The following CRTC1 variants were observed in gnomAD, a reference collection of about 807,000 sequenced individuals.
CRTC1 encodes the protein CREB regulated transcription coactivator 1.
A neutral mutation model predicts 66.1 loss-of-function variants in CRTC1; 18 were observed. The ratio of observed to expected loss-of-function variants is 0.27; its 90% CI spans 0.19 to 0.40. The LOEUF (loss-of-function observed/expected upper bound fraction) is 0.40. Among genes scored for constraint, CRTC1 ranks in the 10% least tolerant of loss-of-function variants. The probability of loss-of-function intolerance (pLI) is 1.00; values close to 1 mark genes in which losing one functional copy is unlikely to be tolerated. For missense variants in CRTC1, 669 were observed against 887.9 expected (o/e 0.75, Z 3.13); for synonymous variants, 416 against 398.8 (o/e 1.04, Z -0.51).
chr19:18,734,422 G>A (rs1015811232), intron 1 of CRTC1, among the ~76,000 whole-genome samples: 15 of 151,730 alleles, frequency 9.9e-5, no homozygotes, highest in African/African-American at 2.9e-4. Flanking sequence ...ATGGTGGGCC[G>A]GGCACAGTGG....
In CRTC1 at chr19:18,775,718, G is replaced by A. The variant is rs767102730; in HGVS notation, c.1590G>A (p.Ser530=). 8 of 1,612,708 alleles carry A rather than the reference G, an allele frequency of 5.0e-6. No homozygotes were observed. The highest frequency in any genetic ancestry group is 6.8e-6 in the Non-Finnish European group (8 of 1,179,842). The change falls in exon 13 of 14, where the codon TCG becomes TCA. Residue 530 remains serine, a synonymous_variant. Transcript: ENST00000321949. ...LYSPGSTLNY[S]QAAMMGLTGS... Reference sequence around the variant, plus strand: ...GCCCGGGCTCCACACTCAACTACTCGCAGGCGGCCATGATGGGCCTCACGG... The same window carrying A: ...GCCCGGGCTCCACACTCAACTACTCACAGGCGGCCATGATGGGCCTCACGG...
intron 1 of CRTC1, among the ~76,000 whole-genome samples, chr19:18,739,273 T>C (rs766872383): frequency 2.6e-5 from 4 of 152,240 alleles, no homozygotes; most frequent in Non-Finnish European, 5.9e-5. Context: ...TAGGGCAGGC[T>C]GGAGCTGCTG....
chr19:18,701,240 T>C (rs956845070), intron 1 of CRTC1, among the ~76,000 whole-genome samples: 3 of 152,378 alleles, frequency 2.0e-5, no homozygotes, highest in African/African-American at 7.2e-5. Flanking sequence ...CACGCTGCTC[T>C]ATGCGCCTCT....
chr19:18,772,841 G>A (rs1046945908), intron 11 of CRTC1, among the ~76,000 whole-genome samples: 20 of 152,156 alleles, frequency 1.3e-4, no homozygotes, highest in African/African-American at 4.3e-4. Context: ...CAGCGTGTCT[G>A]GTCTCGTCGT....
chr19:18,758,341 C>G (rs1600966401), intron 6 of CRTC1, among the ~76,000 whole-genome samples: 1 of 144,894 alleles, frequency 6.9e-6, no homozygotes, highest in Non-Finnish European at 1.5e-5. Context: ...GCCTGAGAGA[C>G]AGAGTGAGAC....
At chr19:18,709,345 G>A (rs2053337392) in intron 1 of CRTC1, among the ~76,000 whole-genome samples, 2 of 152,068 alleles carry the variant, frequency 1.3e-5, no homozygotes, top group African/African-American at 4.8e-5. Context: ...TGCCCACCTT[G>A]CCCCCACACG....
At chr19:18,702,880 C>T (rs1159144269) in intron 1 of CRTC1, among the ~76,000 whole-genome samples, 1 of 152,136 alleles carries the variant, frequency 6.6e-6, no homozygotes, top group African/African-American at 2.4e-5. Flanking sequence ...AACCCCCCAC[C>T]TGTTTCCCAC....
At chr19:18,749,928 T>C in intron 5 of CRTC1, 53 bp downstream of exon 5, 1 of 1,415,416 alleles carries the variant, frequency 7.1e-7, no homozygotes, top group Non-Finnish European at 1.0e-6. Flanking sequence ...GTCCAGCAGG[T>C]AACCCCTGTT....
intron 1 of CRTC1, among the ~76,000 whole-genome samples, chr19:18,697,587 G>T (rs1340269302): frequency 6.6e-6 from 1 of 152,204 alleles, no homozygotes; most frequent in East Asian, 1.9e-4. Context: ...TGGGATTACA[G>T]GCATGAGCCA....
intron 1 of CRTC1, among the ~76,000 whole-genome samples, chr19:18,695,227 G>A (rs1366157175): frequency 6.6e-6 from 1 of 151,824 alleles, no homozygotes; most frequent in African/African-American, 2.4e-5. Flanking sequence ...GGCCGGTCTC[G>A]AACTCCTGGT....
intron 6 of CRTC1, among the ~76,000 whole-genome samples, chr19:18,754,653 T>C (rs4808854): frequency 6.6e-6 from 1 of 152,368 alleles, no homozygotes; most frequent in Non-Finnish European, 1.5e-5. Flanking sequence ...AGCCTGCACA[T>C]TTCAGGAGTA....
At chr19:18,747,173 C>T (rs1230225277) in intron 4 of CRTC1, 59 bp downstream of exon 4, 9 of 1,239,206 alleles carry the variant, frequency 7.3e-6, no homozygotes, top group African/African-American at 3.1e-5. Flanking sequence ...ACCAAACTCT[C>T]ATCATGGTTA....
chr19:18,732,604 A>C (rs1007035958), intron 1 of CRTC1, among the ~76,000 whole-genome samples: 3 of 152,104 alleles, frequency 2.0e-5, no homozygotes, highest in Admixed American at 6.6e-5. Context: ...CTGGGGAGGT[A>C]GTGCTTGAAC....
chr19:18,781,338 C>A lies in CRTC1; in HGVS notation c.*3956C>A, dbSNP rs1397309110. 4 of 228,674 alleles carry A rather than the reference C, an allele frequency of 1.7e-5. No individual in the cohort carries two copies. Among genetic ancestry groups the A allele is most frequent in the Non-Finnish European group, 3.5e-5 (4 of 115,274 alleles). 14.2% of individuals were successfully genotyped at this position (228,674 alleles called of 1,614,324 possible). A position where few individuals can be genotyped will look rare whatever the true frequency, so the allele number is the denominator to read the frequency against. On this transcript the variant is annotated 3_prime_UTR_variant, in exon 14 of 14. Transcript: ENST00000321949. ...TGGACACCTGGGTCTCTTTCTACCC[C>A]CATTCACCATGGACCAGGGGCCTCC...
intron 1 of CRTC1, among the ~76,000 whole-genome samples, chr19:18,694,934 G>T (rs552436541): frequency 6.6e-6 from 1 of 150,696 alleles, no homozygotes; most frequent in East Asian, 2.0e-4. Flanking sequence ...GCTCCTATAA[G>T]ATCTTGGCTC....
At chr19:18,758,448 A>G (rs1181272737) in intron 6 of CRTC1, among the ~76,000 whole-genome samples, 6 of 151,912 alleles carry the variant, frequency 3.9e-5, no homozygotes, top group Non-Finnish European at 8.8e-5. Context: ...ACAGTCCAAG[A>G]GGAGCCTATT....
intron 1 of CRTC1, among the ~76,000 whole-genome samples, chr19:18,706,134 C>CAT (rs1043212263): frequency 8.7e-5 from 12 of 137,712 alleles, no homozygotes; most frequent in African/African-American, 3.3e-4. Flanking sequence ...ATCACTTGAC[C>CAT]ATATATGTGA....
In CRTC1 at chr19:18,722,535, C is replaced by T. The variant is rs148978693; in HGVS notation, c.127-20375C>T. Among the ~76,000 whole-genome samples the T allele has an allele frequency of 3.3e-3, 496 of 152,320 alleles. 3 individuals are homozygous for T. The highest frequency in any genetic ancestry group is 0.011 in the African/African-American group (449 of 41,562). ...ACACAGGCACACAGCGAGAAGGCCA[C>T]GTGATGAAGGAGGCAGAGACCAGAG... On this transcript the variant is annotated intron_variant, in intron 1 of 13. Transcript: ENST00000321949.
rs1490345648 is a variant in CRTC1 at position 18,759,712 on chromosome 19, G to A, written c.665+121G>A. On this transcript the variant is annotated intron_variant, in intron 7 of 13. Coordinates refer to ENST00000321949, the MANE Select transcript of CRTC1 (RefSeq NM_015321.3). Reference sequence around the variant, plus strand: ...CTGCAAGAGGGACACTGTGTGACCAGAGGCCAGTGACAGAGCCCCCACATG... The same window carrying A: ...CTGCAAGAGGGACACTGTGTGACCAAAGGCCAGTGACAGAGCCCCCACATG... 22 of 1,140,590 alleles carry A rather than the reference G, an allele frequency of 1.9e-5. No homozygotes were observed. In the Middle Eastern group the frequency reaches 7.7e-4, roughly 40 times the overall value. The allele number at this position is 1,140,590 out of a possible 1,614,324, so 70.7% of individuals were successfully genotyped here.
Sources: gnomAD v4.1 joint callset for allele counts (sites outside exome capture counted in the v4.1 genomes callset) on GRCh38, gnomAD v4.1.1 for gene constraint, MANE v1.5 for transcripts, NCBI Gene and HGNC (gene_info 2026-07-23, HGNC 2026-07-21) for gene names.